The following UGT1A10 variants were observed in gnomAD, a reference collection of about 807,000 sequenced individuals.
UGT1A10 encodes UDP glucuronosyltransferase family 1 member A10, also known as UDP-glucuronosyltransferase 1A10.
Under a neutral mutation model 45.8 loss-of-function variants are expected in UGT1A10, and 49 were observed. The observed-to-expected ratio is 1.07, with a 90% CI of 0.85 to 1.36. UGT1A10 has a LOEUF of 1.36. Among genes scored for constraint, UGT1A10 ranks in the 40% most tolerant of loss-of-function variants. The probability of loss-of-function intolerance (pLI) is 0.00; values close to 1 mark genes in which losing one functional copy is unlikely to be tolerated. For synonymous variants in UGT1A10, 284 were observed against 249.7 expected (o/e 1.14, Z -1.29); for missense variants, 745 against 668.6 (o/e 1.11, Z -1.26).
Position 233,748,090 on chromosome 2 carries a change from G to A in UGT1A10, c.856-18944G>A, listed in dbSNP as rs1277549661. 8.7e-6 allele frequency: 14 copies of A among 1,612,786 alleles called. No individual in the cohort carries two copies. The East Asian group carries it at 2.0e-4, about 23-fold the overall frequency. ...AAGCCACTATCTCAGGTCGGTGTTC[G>A]TGCCTTCATCCAATCAATGTTCCAG... On this transcript the variant is annotated intron_variant, in intron 1 of 4. Coordinates refer to ENST00000344644, the MANE Select transcript of UGT1A10 (RefSeq NM_019075.4).
At chr2:233,713,933 C>T (rs2076357446) in intron 1 of UGT1A10, 1 of 1,611,438 alleles carries the variant, frequency 6.2e-7, no homozygotes, top group Non-Finnish European at 8.5e-7. Context: ...CTTACAAGTG[C>T]TTCCATATCT....
chr2:233,767,739 GT>G, intron 2 of UGT1A10, 109 bp from the exon 3 acceptor site: 1 of 1,578,058 alleles, frequency 6.3e-7, no homozygotes, highest in Non-Finnish European at 8.6e-7. Flanking sequence ...CTCCCACTCT[GT>G]TAAAGACTGT....
At chr2:233,757,283 G>A (rs1259796690) in intron 1 of UGT1A10, among the ~76,000 whole-genome samples, 1 of 145,382 alleles carries the variant, frequency 6.9e-6, no homozygotes, top group African/African-American at 2.6e-5. Context: ...TGATTCAGAA[G>A]GGACAGCTGG....
chr2:233,733,979 A>G (rs1225459712), intron 1 of UGT1A10, among the ~76,000 whole-genome samples: 1 of 152,060 alleles, frequency 6.6e-6, no homozygotes, highest in African/African-American at 2.4e-5. Flanking sequence ...GCGGGGAGGG[A>G]TAGCATTAGG....
intron 1 of UGT1A10, among the ~76,000 whole-genome samples, chr2:233,738,037 G>A (rs542059461): frequency 6.6e-6 from 1 of 152,044 alleles, no homozygotes; most frequent in South Asian, 2.1e-4. Context: ...TAATCCCCAC[G>A]TGTTGAGGAC....
chr2:233,728,958 A>G (rs2077771946), intron 1 of UGT1A10: 1 of 1,444,154 alleles, frequency 6.9e-7, no homozygotes, highest in Non-Finnish European at 9.2e-7. Flanking sequence ...CCCACAGTGA[A>G]AAACAGTGAT....
chr2:233,766,884 A>C, intron 1 of UGT1A10, 150 bp from the exon 2 acceptor site: 4 of 1,457,402 alleles, frequency 2.7e-6, no homozygotes, highest in Non-Finnish European at 3.6e-6. Context: ...ATGCTGTAAA[A>C]CTTACATATT....
chr2:233,748,218 T>C (rs1484955806), intron 1 of UGT1A10: 56 of 1,469,990 alleles, frequency 3.8e-5, no homozygotes, highest in Admixed American at 8.3e-5. Context: ...TTCAGTGAGA[T>C]AAACTGTTAA....
intron 1 of UGT1A10, among the ~76,000 whole-genome samples, chr2:233,745,360 T>C (rs1413277244): frequency 2.0e-5 from 3 of 151,920 alleles, no homozygotes; most frequent in African/African-American, 4.9e-5. Flanking sequence ...GGAATTTTTT[T>C]GAGATCTGAG....
intron 1 of UGT1A10, chr2:233,718,649 C>A: frequency 6.7e-7 from 1 of 1,503,052 alleles, no homozygotes; most frequent in South Asian, 1.3e-5. Flanking sequence ...GGGCCCATAA[C>A]GAAAGGCAGT....
chr2:233,756,969 C>T (rs1044581590), intron 1 of UGT1A10, among the ~76,000 whole-genome samples: 2 of 151,840 alleles, frequency 1.3e-5, no homozygotes, highest in African/African-American at 2.4e-5. Context: ...TTGGTAAGCA[C>T]GCAATGAACA....
chr2:233,771,304 C>T (rs1274088915), intron 4 of UGT1A10: 1 of 152,118 alleles, frequency 6.6e-6, no homozygotes, highest in Non-Finnish European at 1.5e-5. Flanking sequence ...CTTCCTCCTC[C>T]TTTTCCCTCT....
intron 1 of UGT1A10, chr2:233,672,906 G>C: frequency 6.6e-7 from 1 of 1,506,398 alleles, no homozygotes; most frequent in Non-Finnish European, 8.8e-7. Flanking sequence ...TTTCTTTCCA[G>C]TTTAACAAAT....
chr2:233,668,268 A>C (rs2074117747), intron 1 of UGT1A10, among the ~76,000 whole-genome samples: 1 of 151,646 alleles, frequency 6.6e-6, no homozygotes, highest in East Asian at 1.9e-4. Context: ...AAGTGTTCTC[A>C]TTGTTTAAAT....
chr2:233,729,640 T>C, intron 1 of UGT1A10: 1 of 1,613,966 alleles, frequency 6.2e-7, no homozygotes, highest in East Asian at 2.2e-5. Flanking sequence ...TACTGTGTTT[T>C]TTTTGAGGAA....
intron 1 of UGT1A10, among the ~76,000 whole-genome samples, chr2:233,683,285 G>T (rs1053876282): frequency 3.3e-5 from 5 of 151,998 alleles, no homozygotes; most frequent in Non-Finnish European, 7.4e-5. Flanking sequence ...ATAAGTTAAA[G>T]ATATCTTTAC....
rs994298046 is a variant in UGT1A10 at position 233,760,365 on chromosome 2, T to C, written c.856-6669T>C. On this transcript the variant is annotated intron_variant, in intron 1 of 4. Transcript: ENST00000344644. Reference sequence around the variant, plus strand: ...GTGTGCTGGGCCCAGTGGTGTCCCATGCTGGGAAGATACTGTTGATCCCAG... The same window carrying C: ...GTGTGCTGGGCCCAGTGGTGTCCCACGCTGGGAAGATACTGTTGATCCCAG... 21 of 1,614,004 alleles carry C rather than the reference T, an allele frequency of 1.3e-5. No individual in the cohort carries two copies. Among genetic ancestry groups the C allele is most frequent in the Non-Finnish European group, 1.7e-5 (20 of 1,180,006 alleles).
chr2:233,721,854 C>A, intron 1 of UGT1A10: 1 of 513,502 alleles, frequency 1.9e-6, no homozygotes. Flanking sequence ...AGCCCCACTG[C>A]TCGGCCCTGG....
chr2:233,695,471 A>G (rs1297433816), intron 1 of UGT1A10, among the ~76,000 whole-genome samples: 1 of 151,084 alleles, frequency 6.6e-6, no homozygotes, highest in Non-Finnish European at 1.5e-5. Flanking sequence ...TTGGCCCTTT[A>G]GATGTTTTTC....
Sources: allele counts gnomAD v4.1 joint callset (sites outside exome capture counted in the v4.1 genomes callset), GRCh38; gene constraint gnomAD v4.1.1; transcripts MANE v1.5; gene names NCBI Gene and HGNC (gene_info 2026-07-23, HGNC 2026-07-21).